The following GABRG3 variants were observed in gnomAD, a reference collection of about 807,000 sequenced individuals.
GABRG3 encodes the protein gamma-aminobutyric acid type A receptor subunit gamma3, also known as gamma-aminobutyric acid receptor subunit gamma-3.
Under a neutral mutation model 48.8 loss-of-function variants are expected in GABRG3, and 25 were observed. That is an observed-to-expected ratio of 0.51 (90% CI 0.37 to 0.72). The LOEUF is 0.72. Among genes scored for constraint, GABRG3 ranks in the 30% least tolerant of loss-of-function variants. The pLI, the probability that GABRG3 is intolerant of heterozygous loss-of-function variation, is 0.00. For missense variants in GABRG3, 394 were observed against 577.9 expected (o/e 0.68, Z 3.26); for synonymous variants, 227 against 217.6 (o/e 1.04, Z -0.38).
intron 5 of GABRG3, among the ~76,000 whole-genome samples, chr15:27,391,941 A>G (rs965673706): frequency 2.6e-5 from 4 of 152,220 alleles, no homozygotes; most frequent in Non-Finnish European, 4.4e-5. Context: ...AGCAGCTTGG[A>G]TGAGAATCAT....
At chr15:27,377,773 G>A (rs1462304313) in intron 5 of GABRG3, among the ~76,000 whole-genome samples, 5 of 152,224 alleles carry the variant, frequency 3.3e-5, no homozygotes, top group Non-Finnish European at 7.3e-5. Context: ...GGATGTATCT[G>A]TAAAGGTGCC....
chr15:27,393,325 C>A (rs1887201347), intron 5 of GABRG3, among the ~76,000 whole-genome samples: 1 of 137,056 alleles, frequency 7.3e-6, no homozygotes. Flanking sequence ...GCCTGGGTGA[C>A]AGAGCGAGAC....
At chr15:27,110,810 T>C (rs1241627563) in intron 3 of GABRG3, among the ~76,000 whole-genome samples, 2 of 152,218 alleles carry the variant, frequency 1.3e-5, no homozygotes, top group African/African-American at 4.8e-5. Flanking sequence ...GTGGCTTCTA[T>C]CAGGATATTC....
chr15:26,978,841 A>G (rs767983157), intron 2 of GABRG3, among the ~76,000 whole-genome samples: 1 of 152,216 alleles, frequency 6.6e-6, no homozygotes, highest in Non-Finnish European at 1.5e-5. Context: ...TATACATTTT[A>G]GAATAGTTTT....
intron 5 of GABRG3, among the ~76,000 whole-genome samples, chr15:27,343,940 T>A (rs961766293): frequency 1.2e-4 from 14 of 117,804 alleles, no homozygotes; most frequent in Middle Eastern, 4.3e-3. Flanking sequence ...TTTCCTTTTT[T>A]TGGATGACCA....
intron 6 of GABRG3, among the ~76,000 whole-genome samples, chr15:27,485,959 C>T (rs1595786435): frequency 6.6e-6 from 1 of 152,200 alleles, no homozygotes; most frequent in East Asian, 1.9e-4. Context: ...TAATCCATAT[C>T]TTTGCCATAT....
chr15:27,351,040 T>C (rs1894554224), intron 5 of GABRG3, among the ~76,000 whole-genome samples: 2 of 149,656 alleles, frequency 1.3e-5, no homozygotes, highest in African/African-American at 5.0e-5. Flanking sequence ...GTGTGTATGG[T>C]GTATGTGCAT....
intron 3 of GABRG3, among the ~76,000 whole-genome samples, chr15:27,029,956 C>A (rs913911240): frequency 6.6e-6 from 1 of 151,982 alleles, no homozygotes; most frequent in Non-Finnish European, 1.5e-5. Flanking sequence ...ATCTGTGCAA[C>A]CAAACGACGC....
At chr15:27,487,300 C>A (rs1441647306) in intron 6 of GABRG3, among the ~76,000 whole-genome samples, 1 of 152,148 alleles carries the variant, frequency 6.6e-6, no homozygotes, top group Non-Finnish European at 1.5e-5. Context: ...TTCCATGGGA[C>A]CTGAATAAAT....
chr15:27,481,160 G>T, intron 6 of GABRG3: 1 of 1,031,100 alleles, frequency 9.7e-7, no homozygotes, highest in Admixed American at 5.3e-5. Flanking sequence ...AAAAGAAGCT[G>T]GTGTGATATG....
At chr15:27,146,111 G>T (rs1898204588) in intron 3 of GABRG3, among the ~76,000 whole-genome samples, 2 of 152,052 alleles carry the variant, frequency 1.3e-5, no homozygotes, top group Admixed American at 6.5e-5. Flanking sequence ...ACTAAAGAGG[G>T]ACTATAGGAC....
chr15:27,075,350 A>G lies in GABRG3; in HGVS notation c.270+48529A>G, dbSNP rs73369678. 3.5e-3 allele frequency among the ~76,000 whole-genome samples: 534 copies of G among 152,344 alleles called. 3 individuals carry two copies. The highest frequency in any genetic ancestry group is 0.012 in the African/African-American group (508 of 41,574). ...GTGGAGGCTTTACACTGGTTGAGCT[A>G]TGCTATGGTTTCTTGAGAAGGGAAA... On this transcript the variant is annotated intron_variant, in intron 3 of 9. Transcript: ENST00000615808.
intron 6 of GABRG3, chr15:27,481,142 C>A (rs536174287): frequency 9.5e-7 from 1 of 1,052,388 alleles, no homozygotes; most frequent in South Asian, 4.4e-5. Flanking sequence ...TATTGAGAAT[C>A]CACACATAAA....
intron 5 of GABRG3, among the ~76,000 whole-genome samples, chr15:27,420,404 T>C (rs888278693): frequency 6.6e-6 from 1 of 152,048 alleles, no homozygotes; most frequent in African/African-American, 2.4e-5. Flanking sequence ...ATGAAAGAAA[T>C]GGGGAGATGT....
intron 6 of GABRG3, among the ~76,000 whole-genome samples, chr15:27,485,228 A>G (rs1245197784): frequency 1.3e-5 from 2 of 152,204 alleles, no homozygotes; most frequent in Admixed American, 1.3e-4. Context: ...GTGGCTATGG[A>G]AAGTTATCCT....
chr15:27,306,622 TA>T, intron 3 of GABRG3, among the ~76,000 whole-genome samples: 1 of 119,712 alleles, frequency 8.4e-6, no homozygotes, highest in African/African-American at 3.7e-5. Flanking sequence ...TAAACATATA[TA>T]ATATAAACAT....
intron 5 of GABRG3, among the ~76,000 whole-genome samples, chr15:27,404,472 G>A (rs557580242): frequency 4.6e-5 from 7 of 152,238 alleles, no homozygotes; most frequent in Middle Eastern, 3.4e-3. Flanking sequence ...ATACGTGGGC[G>A]TCAACCAGAT....
intron 4 of GABRG3, among the ~76,000 whole-genome samples, chr15:27,327,690 A>G (rs1000244180): frequency 1.3e-5 from 2 of 152,068 alleles, no homozygotes; most frequent in African/African-American, 4.8e-5. Flanking sequence ...GTGTCCTCTG[A>G]GCGGGTGGTG....
At chr15:27,499,817 G>C (rs767344743) in intron 6 of GABRG3, among the ~76,000 whole-genome samples, 2 of 152,182 alleles carry the variant, frequency 1.3e-5, no homozygotes, top group Admixed American at 6.5e-5. Context: ...AAGCAGATGT[G>C]GATGGGGAGC....
Sources: allele counts gnomAD v4.1 joint callset (sites outside exome capture counted in the v4.1 genomes callset), GRCh38; gene constraint gnomAD v4.1.1; transcripts MANE v1.5; gene names NCBI Gene and HGNC (gene_info 2026-07-23, HGNC 2026-07-21).